PCDHGA3: variants seen among roughly 807,000 people sequenced by gnomAD.
PCDHGA3 encodes the protein protocadherin gamma subfamily A, 3.
Under a neutral mutation model 58.5 loss-of-function variants are expected in PCDHGA3, and 40 were observed. The ratio of observed to expected loss-of-function variants is 0.68; its 90% CI spans 0.53 to 0.89. The LOEUF is 0.89. PCDHGA3 is among the 40% of genes least tolerant of loss of function. PCDHGA3 has a pLI of 0.00. For missense variants in PCDHGA3, 1,223 were observed against 1,195.9 expected, an observed-to-expected ratio of 1.02 and a Z score of -0.33; for synonymous variants, 530 against 525.7, an observed-to-expected ratio of 1.01 and a Z score of -0.11.
chr5:141,374,849 C>A (rs1770893112), intron 1 of PCDHGA3: 3 of 1,613,636 alleles, frequency 1.9e-6, no homozygotes, highest in South Asian at 1.1e-5. Context: ...TGAAAACCTG[C>A]CAGTAGGCAC....
At chr5:141,418,460 G>A in intron 1 of PCDHGA3, 1 of 1,613,992 alleles carries the variant, frequency 6.2e-7, no homozygotes, top group Non-Finnish European at 8.5e-7. Context: ...GAAGACTCTG[G>A]ACCGAGAAAC....
At chr5:141,453,521 T>A (rs1311886024) in intron 1 of PCDHGA3, among the ~76,000 whole-genome samples, 2 of 152,148 alleles carry the variant, frequency 1.3e-5, no homozygotes, top group Non-Finnish European at 2.9e-5. Flanking sequence ...TCCTCCCCTA[T>A]ACCTTCTGCC....
chr5:141,494,613 G>A (rs2099755672), intron 1 of PCDHGA3, among the ~76,000 whole-genome samples, 194 bp from the exon 2 acceptor site: 1 of 152,136 alleles, frequency 6.6e-6, no homozygotes, highest in Non-Finnish European at 1.5e-5. Context: ...TTATCTCTTG[G>A]TTTCTGGTAC....
Position 141,486,255 on chromosome 5 carries a change from A to G in PCDHGA3, c.2425-8552A>G. 1 of 1,614,028 alleles carries G rather than the reference A, an allele frequency of 6.2e-7. No homozygotes were observed. Reference sequence around the variant, plus strand: ...ACCTCAGAGCTTGGAACCCTCCCCGAGAGTGCAGAACCTGGCACTGTGGTG... The same window carrying G: ...ACCTCAGAGCTTGGAACCCTCCCCGGGAGTGCAGAACCTGGCACTGTGGTG... On this transcript the variant is annotated intron_variant, in intron 1 of 3. Coordinates refer to ENST00000253812, the MANE Select transcript of PCDHGA3 (RefSeq NM_018916.4). This position sits in a 1 kb window ranked among gnomAD's most constrained non-coding sequence, Gnocchi z 5.0.
At chr5:141,384,295 C>G in intron 1 of PCDHGA3, 2 of 1,613,828 alleles carry the variant, frequency 1.2e-6, no homozygotes, top group South Asian at 2.2e-5. Context: ...TGAGAACAAC[C>G]CCAGAGGGGC....
intron 1 of PCDHGA3, among the ~76,000 whole-genome samples, chr5:141,466,614 G>A (rs75804312): frequency 1.4e-3 from 218 of 152,142 alleles, no homozygotes; most frequent in Middle Eastern, 6.8e-3. Context: ...GTAAACTGCC[G>A]TTTTCTTTGG....
intron 1 of PCDHGA3, chr5:141,350,893 C>T: frequency 6.2e-7 from 1 of 1,614,042 alleles, no homozygotes; most frequent in Non-Finnish European, 8.5e-7. Flanking sequence ...TCCTGACTGC[C>T]ATGGATGGCG....
At chr5:141,494,940 AG>A (rs888721888) in intron 2 of PCDHGA3, 75 bp downstream of exon 2, 1 of 1,610,860 alleles carries the variant, frequency 6.2e-7, no homozygotes, top group Non-Finnish European at 8.5e-7. Flanking sequence ...GAGATGGGGG[AG>A]GGCCCAGCAT....
Position 141,346,081 on chromosome 5 carries a change from A to T in PCDHGA3, c.2048A>T (p.Lys683Ile), listed in dbSNP as rs200571439. 3,022 of 1,613,430 alleles carry T rather than the reference A, an allele frequency of 1.9e-3. 45 individuals are homozygous for T. In the African/African-American group the frequency reaches 0.031, roughly 17 times the overall value. ...ADLGSLEPSA[K>I]PNDSDLTLYL... Reference sequence around the variant, plus strand: ...CTGGGCAGCCTCGAGCCCTCCGCCAAACCCAACGATTCGGACCTCACTCTG... The same window carrying T: ...CTGGGCAGCCTCGAGCCCTCCGCCATACCCAACGATTCGGACCTCACTCTG... Residue 683 changes from lysine to isoleucine, a missense_variant, in exon 1 of 4, where the codon AAA becomes ATA. This residue lies in a region of PCDHGA3 where 107 missense variants were observed against 159.8 expected (regional missense o/e 0.67). Coordinates refer to ENST00000253812, the MANE Select transcript of PCDHGA3 (RefSeq NM_018916.4).
chr5:141,371,934 G>A (rs1024560538), intron 1 of PCDHGA3: 3 of 1,613,324 alleles, frequency 1.9e-6, no homozygotes, highest in Admixed American at 3.3e-5. Context: ...GAGCGGGGTG[G>A]TGTTCGCGCA....
chr5:141,487,608 G>A lies in PCDHGA3; in HGVS notation c.2425-7199G>A, dbSNP rs970411391. On this transcript the variant is annotated intron_variant, in intron 1 of 3. Coordinates refer to ENST00000253812, the MANE Select transcript of PCDHGA3 (RefSeq NM_018916.4). The surrounding 1 kb of genome is among the most constrained non-coding windows in gnomAD (Gnocchi z 5.0). ...TGCCCACCCTCTGATCTTCTCTATG[G>A]GCTAGAGGTGAGACCTTTGCAGGCT... 1 of 1,614,182 alleles carries A rather than the reference G, an allele frequency of 6.2e-7. No individual in the cohort carries two copies. Among genetic ancestry groups the A allele is most frequent in the African/African-American group, 1.3e-5 (1 of 75,050 alleles).
At chr5:141,404,565 G>C in intron 1 of PCDHGA3, 2 of 1,613,910 alleles carry the variant, frequency 1.2e-6, no homozygotes. Flanking sequence ...AGTGACAGTG[G>C]AAGCCCACCA....
At chr5:141,499,835 C>T (rs931946377) in intron 2 of PCDHGA3, among the ~76,000 whole-genome samples, 2 of 151,916 alleles carry the variant, frequency 1.3e-5, no homozygotes, top group Admixed American at 6.6e-5. Flanking sequence ...TACAGGTGTG[C>T]ACCACCACAC....
At chr5:141,417,710 T>A in intron 1 of PCDHGA3, 2 of 1,249,348 alleles carry the variant, frequency 1.6e-6, no homozygotes, top group Admixed American at 5.9e-5. Context: ...ACACAGAGGC[T>A]CCCGGCTGCG....
intron 1 of PCDHGA3, chr5:141,374,044 T>C: frequency 6.8e-7 from 1 of 1,465,536 alleles, no homozygotes; most frequent in Non-Finnish European, 9.0e-7. Flanking sequence ...GATCTGTTCT[T>C]CCTCTTCTTA....
At chr5:141,378,089 T>C (rs1272599640) in intron 1 of PCDHGA3, 1 of 152,254 alleles carries the variant, frequency 6.6e-6, no homozygotes, top group East Asian at 1.9e-4. Flanking sequence ...TATAACTTTT[T>C]TTCAAACTCT....
At chr5:141,393,619 C>G (rs768350628) in intron 1 of PCDHGA3, 2 of 1,613,826 alleles carry the variant, frequency 1.2e-6, no homozygotes, top group Non-Finnish European at 1.7e-6. Flanking sequence ...GCCAGCGACC[C>G]GGATGAGGGA....
chr5:141,362,548 A>G (rs759735052), intron 1 of PCDHGA3: 10 of 1,612,574 alleles, frequency 6.2e-6, no homozygotes, highest in African/African-American at 1.3e-5. Flanking sequence ...CTCAGATACT[A>G]TTTTGAAGGT....
Position 141,344,730 on chromosome 5 carries a change from C to T in PCDHGA3, c.697C>T (p.Leu233=), listed in dbSNP as rs1757462446. Residue 233 remains leucine (L), a synonymous_variant, in exon 1 of 4, where the codon CTG becomes TTG. Coordinates refer to ENST00000253812, the MANE Select transcript of PCDHGA3 (RefSeq NM_018916.4). ...CAACTTGCACATCCAAGTGATAGTC[C>T]TGGATGCAAATGACAACCCACCAAT... ...SGNLHIQVIV[L]DANDNPPMFT... The T allele has an allele frequency of 3.7e-6, 6 of 1,613,936 alleles. No individual in the cohort carries two copies. Among genetic ancestry groups the T allele is most frequent in the Non-Finnish European group, 5.1e-6 (6 of 1,179,844 alleles).
Sources: gnomAD v4.1 joint callset for allele counts (sites outside exome capture counted in the v4.1 genomes callset) on GRCh38, gnomAD v4.1.1 for gene constraint, gnomAD v4.1.1 regional missense constraint, Gnocchi (gnomAD v3.1) non-coding constraint, MANE v1.5 for transcripts, NCBI Gene and HGNC (gene_info 2026-07-23, HGNC 2026-07-21) for gene names.